ATP2C2: variants seen among roughly 807,000 people sequenced by gnomAD.
The protein encoded by ATP2C2 is ATPase secretory pathway Ca2+ transporting 2.
In ATP2C2, 171 loss-of-function variants were observed where a neutral mutation model predicts 110.8. The observed-to-expected ratio is 1.54, with a 90% CI of 1.36 to 1.75. The LOEUF is 1.75. ATP2C2 is among the 40% of genes most tolerant of loss of function. The probability of loss-of-function intolerance (pLI) is 0.00; values close to 1 mark genes in which losing one functional copy is unlikely to be tolerated. For synonymous variants in ATP2C2, 804 were observed against 508.4 expected (o/e 1.58, Z -7.82); for missense variants, 1,963 against 1,235.0 (o/e 1.59, Z -8.84).
chr16:84,405,324 G>T, intron 3 of ATP2C2, 80 bp downstream of exon 3: 6 of 1,233,540 alleles, frequency 4.9e-6, no homozygotes, highest in Non-Finnish European at 6.9e-6. Flanking sequence ...TTTCAATGTT[G>T]ATGGAAGGCA....
intron 9 of ATP2C2, 59 bp downstream of exon 9, chr16:84,422,756 G>T: frequency 6.6e-7 from 1 of 1,515,362 alleles, no homozygotes; most frequent in Non-Finnish European, 9.0e-7. Context: ...ATTATTATAG[G>T]CAAATAATAC....
intron 17 of ATP2C2, among the ~76,000 whole-genome samples, chr16:84,449,132 C>T (rs1407089876): frequency 6.6e-6 from 1 of 152,212 alleles, no homozygotes; most frequent in Non-Finnish European, 1.5e-5. Context: ...TCACATTTCC[C>T]TTGGTGTCAT....
At chr16:84,379,270 C>G (rs1320375979) in intron 1 of ATP2C2, among the ~76,000 whole-genome samples, 1 of 151,154 alleles carries the variant, frequency 6.6e-6, no homozygotes, top group Admixed American at 6.6e-5. Context: ...CAGTCTCAAT[C>G]TTTCTGGGCT....
intron 1 of ATP2C2, among the ~76,000 whole-genome samples, chr16:84,383,580 TAAG>T (rs961801542): frequency 3.9e-5 from 6 of 152,158 alleles, no homozygotes; most frequent in South Asian, 2.1e-4. Flanking sequence ...AGAAAAGTTG[TAAG>T]AAGATGATAG....
Position 84,398,421 on chromosome 16 carries a change from T to G in ATP2C2, c.100-78T>G, listed in dbSNP as rs1268476173. Reference sequence around the variant, plus strand: ...ACTCCATCTCAAAAAAATAAACTAATAAAAATAAAAAATAAATTTAAAAAT... The same window carrying G: ...ACTCCATCTCAAAAAAATAAACTAAGAAAAATAAAAAATAAATTTAAAAAT... On this transcript the variant is annotated intron_variant, in intron 1 of 26. Transcript: ENST00000262429. The G allele has an allele frequency of 5.6e-6, 5 of 895,090 alleles. No individual in the cohort carries two copies. The East Asian group carries it at 1.6e-4, about 29-fold the overall frequency. The allele number at this position is 895,090 out of a possible 1,614,324, so 55.4% of individuals were successfully genotyped here.
At chr16:84,429,383 C>T (rs1908065258) in intron 11 of ATP2C2, among the ~76,000 whole-genome samples, 1 of 152,080 alleles carries the variant, frequency 6.6e-6, no homozygotes, top group East Asian at 1.9e-4. Flanking sequence ...GAACTCCTGA[C>T]CTCAGGTGAT....
At chr16:84,370,080 C>G (rs1012400059) in intron 1 of ATP2C2, among the ~76,000 whole-genome samples, 4 of 152,164 alleles carry the variant, frequency 2.6e-5, no homozygotes, top group African/African-American at 7.2e-5. Context: ...AGGTATTTTT[C>G]AAACTCTCCT....
chr16:84,397,617 T>G (rs1905065389), intron 1 of ATP2C2, among the ~76,000 whole-genome samples: 2 of 125,700 alleles, frequency 1.6e-5, no homozygotes, highest in Admixed American at 2.1e-4. Context: ...GAGGCTGCAG[T>G]GAGCTATGAT....
intron 4 of ATP2C2, among the ~76,000 whole-genome samples, chr16:84,409,733 C>G (rs575855478): frequency 6.6e-6 from 1 of 152,152 alleles, no homozygotes; most frequent in Non-Finnish European, 1.5e-5. Flanking sequence ...GACCTCTTGA[C>G]CTCAGGTGAT....
chr16:84,434,971 T>C (rs763442322), intron 11 of ATP2C2, among the ~76,000 whole-genome samples: 45 of 152,248 alleles, frequency 3.0e-4, no homozygotes, highest in Non-Finnish European at 5.3e-4. Flanking sequence ...GCCTGTGCCA[T>C]AAAACCAACG....
intron 16 of ATP2C2, among the ~76,000 whole-genome samples, chr16:84,447,041 T>A (rs1462025679): frequency 6.6e-6 from 1 of 152,226 alleles, no homozygotes; most frequent in Non-Finnish European, 1.5e-5. Context: ...ACATTACAGC[T>A]GATTTTTAAA....
chr16:84,438,422 GAGCCCCCTCTACACATGC>G (rs1168975645), intron 11 of ATP2C2, among the ~76,000 whole-genome samples: 1 of 152,182 alleles, frequency 6.6e-6, no homozygotes, highest in East Asian at 1.9e-4. Context: ...GGGATAGAAA[GAGCCCCCTCTACACATGC>G]TCTCACCTGT....
chr16:84,405,421 G>A (rs1905677438), intron 3 of ATP2C2, among the ~76,000 whole-genome samples, 177 bp downstream of exon 3: 1 of 152,068 alleles, frequency 6.6e-6, no homozygotes, highest in African/African-American at 2.4e-5. Context: ...AGGCAACCGC[G>A]ATCAGGAAAA....
rs760529497 is a variant in ATP2C2, at chr16:84,398,602, C to T, written c.203C>T (p.Ala68Val). The T allele has an allele frequency of 1.9e-5, 30 of 1,607,042 alleles. No individual in the cohort carries two copies. The highest frequency in any genetic ancestry group is 3.4e-5 in the Admixed American group (2 of 58,736). ...CKCQKEDLARAFCVDLHTGLS... is the reference protein window; with the variant it reads ...CKCQKEDLARVFCVDLHTGLS... Reference sequence around the variant, plus strand: ...TGCCAGAAAGAGGATTTGGCCAGAGCGTTTTGTGTAAGAATTGAATTTGCA... The same window carrying T: ...TGCCAGAAAGAGGATTTGGCCAGAGTGTTTTGTGTAAGAATTGAATTTGCA... The change falls in exon 2 of 27, where the codon GCG becomes GTG. Residue 68 changes from alanine to valine, a missense_variant. Transcript: ENST00000262429.
At chr16:84,410,830 C>A (rs990831393) in intron 6 of ATP2C2, 65 bp downstream of exon 6, 1 of 1,486,038 alleles carries the variant, frequency 6.7e-7, no homozygotes, top group Non-Finnish European at 9.4e-7. Context: ...GAGAGTTTGG[C>A]AAATGTTTGC....
At chr16:84,404,586 A>G (rs1597773643) in intron 2 of ATP2C2, 1 of 245,568 alleles carries the variant, frequency 4.1e-6, no homozygotes, top group East Asian at 1.1e-4. Context: ...TGTTTCATGC[A>G]TTCATTCATC....
chr16:84,433,004 G>A (rs1360464960), intron 11 of ATP2C2, among the ~76,000 whole-genome samples: 2 of 152,172 alleles, frequency 1.3e-5, no homozygotes, highest in Non-Finnish European at 2.9e-5. Flanking sequence ...GGAGGCAGGG[G>A]TGGCGGCAGG....
intron 2 of ATP2C2, 190 bp from the exon 3 acceptor site, chr16:84,404,938 C>T: frequency 1.5e-6 from 1 of 686,540 alleles, no homozygotes; most frequent in Non-Finnish European, 2.7e-6. Context: ...TGGTCACTGG[C>T]TTGTGCCTTT....
chr16:84,463,691 T>G lies in ATP2C2; in HGVS notation c.2800T>G (p.Cys934Gly). Residue 934 changes from cysteine to glycine, a missense_variant, in exon 27 of 27, where the codon TGC becomes GGC. Physicochemically the swap from Cys to Gly is radical, Grantham distance 159. Transcript: ENST00000262429. ...CCTCAAACTATGTGAAAAATACTGT[T>G]GCAGCCCCAAGAGAGTCCAGATGCA... The part of the protein sequence containing the change: ...ELLKLCEKYC[C>G]SPKRVQMHPE... 2 of 1,614,194 alleles carry G rather than the reference T, an allele frequency of 1.2e-6. No homozygotes were observed. The highest frequency in any genetic ancestry group is 1.7e-6 in the Non-Finnish European group (2 of 1,180,014).
Sources: allele counts gnomAD v4.1 joint callset (sites outside exome capture counted in the v4.1 genomes callset), GRCh38; gene constraint gnomAD v4.1.1; transcripts MANE v1.5; gene names NCBI Gene and HGNC (gene_info 2026-07-23, HGNC 2026-07-21).